The following ERICH1 variants were observed in gnomAD, a reference collection of about 807,000 sequenced individuals.
ERICH1 encodes glutamate rich 1.
In ERICH1, 56 loss-of-function variants were observed where a neutral mutation model predicts 39.6. The observed-to-expected ratio is 1.41, with a 90% CI of 1.14 to 1.77. The LOEUF (loss-of-function observed/expected upper bound fraction) is 1.77. Ranked by LOEUF, ERICH1 falls within the 40% of genes most tolerant of loss-of-function variation. The pLI is 0.00. For synonymous variants in ERICH1, 313 were observed against 223.6 expected, an observed-to-expected ratio of 1.40 and a Z score of -3.57; for missense variants, 826 against 575.4, an observed-to-expected ratio of 1.44 and a Z score of -4.45.
Position 664,615 on chromosome 8 carries a change from C to CT in ERICH1, c.1319dup (p.Ser441GlufsTer3). ...GAGATATTCCATTTTAGTCACTGCTCTTCTCAGGAAGGATATGTGTGATCC... is the reference window on the plus strand; with the variant it reads ...GAGATATTCCATTTTAGTCACTGCTCTTTCTCAGGAAGGATATGTGTGATCC... On this transcript the variant is annotated frameshift_variant, in exon 6 of 6. Coordinates refer to ENST00000262109, the MANE Select transcript of ERICH1 (RefSeq NM_207332.3). LOFTEE classifies it high-confidence loss of function. 1 of 1,611,258 alleles carries CT rather than the reference C, an allele frequency of 6.2e-7. No individual in the cohort carries two copies. The highest frequency in any genetic ancestry group is 8.5e-7 in the Non-Finnish European group (1 of 1,178,992).
In ERICH1 at chr8:673,408, G is replaced by T. The variant is rs1803884870; in HGVS notation, c.944C>A (p.Ala315Glu). The change falls in exon 4 of 6, where the codon GCA becomes GAA. Residue 315 changes from alanine (A) to glutamate (E), a missense_variant. Coordinates refer to ENST00000262109, the MANE Select transcript of ERICH1 (RefSeq NM_207332.3). ...DPTWAGEEEG[A>E]DSGEEDGADA... ...TGCACCGTCCTCCTCCCCGGAGTCTGCACCCTCTTCCTCCCCAGCCCATGT... is the reference window on the plus strand; with the variant it reads ...TGCACCGTCCTCCTCCCCGGAGTCTTCACCCTCTTCCTCCCCAGCCCATGT... 6.2e-7 allele frequency: 1 copy of T among 1,612,206 alleles called. No individual in the cohort carries two copies. Among genetic ancestry groups the T allele is most frequent in the East Asian group, 2.2e-5 (1 of 44,778 alleles).
At chr8:718,290 G>A (rs943350667) in intron 1 of ERICH1, among the ~76,000 whole-genome samples, 3 of 152,192 alleles carry the variant, frequency 2.0e-5, no homozygotes, top group Non-Finnish European at 2.9e-5. Context: ...GGAGCGCACT[G>A]AGTCTGGCCC....
chr8:643,906 G>C (rs1287971169), intron 3 of ERICH1, among the ~76,000 whole-genome samples: 2 of 152,206 alleles, frequency 1.3e-5, no homozygotes. Context: ...CGGACTCAGC[G>C]CCTGGAGAAA....
At chr8:716,835 G>A (rs1478948447) in intron 1 of ERICH1, among the ~76,000 whole-genome samples, 8 of 152,076 alleles carry the variant, frequency 5.3e-5, no homozygotes, top group Non-Finnish European at 8.8e-5. Flanking sequence ...GAGAGGAGAC[G>A]CTGGGGGTGG....
chr8:701,887 C>G (rs981966637), intron 2 of ERICH1, among the ~76,000 whole-genome samples: 1 of 151,792 alleles, frequency 6.6e-6, no homozygotes, highest in Non-Finnish European at 1.5e-5. Flanking sequence ...GTCAGGAGTT[C>G]AAGACCAGCC....
intron 3 of ERICH1, among the ~76,000 whole-genome samples, chr8:620,157 CA>C (rs1563159553): frequency 2.6e-5 from 4 of 151,182 alleles, no homozygotes; most frequent in African/African-American, 9.7e-5. Context: ...ACTAAAAATA[CA>C]AAAATTAGCC....
At chr8:708,712 G>GTTTTTTTTTA (rs1563319881) in intron 2 of ERICH1, among the ~76,000 whole-genome samples, 6 of 59,812 alleles carry the variant, frequency 1.0e-4, no homozygotes, top group African/African-American at 7.4e-4. Flanking sequence ...TTTTTTTTTT[G>GTTTTTTTTTA]AGACAGGGTC....
chr8:649,852 C>T (rs1234743332), intron 3 of ERICH1, among the ~76,000 whole-genome samples: 1 of 152,206 alleles, frequency 6.6e-6, no homozygotes, highest in Non-Finnish European at 1.5e-5. Flanking sequence ...CAAGAGCTTT[C>T]CAGGAATCGC....
At chr8:716,219 C>A (rs1237875088) in intron 1 of ERICH1, among the ~76,000 whole-genome samples, 1 of 152,260 alleles carries the variant, frequency 6.6e-6, no homozygotes, top group Non-Finnish European at 1.5e-5. Context: ...CCGAGGACCC[C>A]CCACCATCCT....
chr8:623,088 A>T (rs147732987), intron 3 of ERICH1, among the ~76,000 whole-genome samples: 58 of 152,350 alleles, frequency 3.8e-4, no homozygotes, highest in African/African-American at 1.3e-3. Flanking sequence ...CAGTATGACG[A>T]GAGATAAAAC....
chr8:672,272 G>A (rs563206169), intron 4 of ERICH1: 1 of 152,230 alleles, frequency 6.6e-6, no homozygotes, highest in Admixed American at 6.5e-5. Context: ...ACTTTGCAGT[G>A]TCTTAGCCAT....
intron 3 of ERICH1, chr8:656,695 A>G (rs1800705731): frequency 1.0e-6 from 1 of 956,164 alleles, no homozygotes; most frequent in South Asian, 4.8e-5. Context: ...GGACATCCCC[A>G]TTCACGCTGT....
chr8:713,648 C>G (rs1165343930), intron 2 of ERICH1, among the ~76,000 whole-genome samples: 2 of 152,142 alleles, frequency 1.3e-5, no homozygotes, highest in African/African-American at 4.8e-5. Context: ...AATATTACGT[C>G]TGTGGGAAGA....
At chr8:661,070 C>G (rs1187663849), downstream of ERICH1, among the ~76,000 whole-genome samples, 1 of 152,166 alleles carries the variant, frequency 6.6e-6, no homozygotes, top group Non-Finnish European at 1.5e-5. Flanking sequence ...CCACAGTATC[C>G]TGTTGAATAA....
At chr8:680,785 A>C (rs188160003) in intron 3 of ERICH1, among the ~76,000 whole-genome samples, 58 of 152,346 alleles carry the variant, frequency 3.8e-4, no homozygotes, top group Non-Finnish European at 1.5e-5. Context: ...CATGAGCTGC[A>C]ACATCCTGAC....
chr8:693,810 A>G (rs7822126), intron 2 of ERICH1, among the ~76,000 whole-genome samples: 125,288 of 149,592 alleles, frequency 0.84, 52,922 homozygotes, highest in South Asian at 0.94. Flanking sequence ...GTGGATGGCT[A>G]CTGGGACGTC....
At chr8:658,284 G>A (rs985366061) in intron 3 of ERICH1, among the ~76,000 whole-genome samples, 2 of 152,222 alleles carry the variant, frequency 1.3e-5, no homozygotes, top group African/African-American at 4.8e-5. Context: ...GAGAGAGGCT[G>A]GTTCCCTGCA....
In ERICH1 at chr8:664,496, G is replaced by C; in HGVS notation, c.*107C>G. 1.4e-6 allele frequency: 2 copies of C among 1,395,646 alleles called. No individual in the cohort carries two copies. The highest frequency in any genetic ancestry group is 1.9e-6 in the Non-Finnish European group (2 of 1,070,082). 86.5% of individuals were successfully genotyped at this position (1,395,646 alleles called of 1,614,324 possible). A position where few individuals can be genotyped will look rare whatever the true frequency, so the allele number is the denominator to read the frequency against. ...AACAAACACGTGAATAAATAATATGGCATAAATGTCTTTCAAGTTCCCAGA... is the reference window on the plus strand; with the variant it reads ...AACAAACACGTGAATAAATAATATGCCATAAATGTCTTTCAAGTTCCCAGA... On this transcript the variant is annotated 3_prime_UTR_variant, in exon 6 of 6. Transcript: ENST00000262109.
intron 3 of ERICH1, among the ~76,000 whole-genome samples, chr8:654,564 A>G (rs1800374295): frequency 6.6e-6 from 1 of 152,194 alleles, no homozygotes; most frequent in African/African-American, 2.4e-5. Flanking sequence ...AACATTGACT[A>G]CAGTTTTAAA....
Sources: gnomAD v4.1 joint callset for allele counts (sites outside exome capture counted in the v4.1 genomes callset) on GRCh38, gnomAD v4.1.1 for gene constraint, MANE v1.5 for transcripts, NCBI Gene and HGNC (gene_info 2026-07-23, HGNC 2026-07-21) for gene names.